ARIH1: variants seen among roughly 807,000 people sequenced by gnomAD.
ARIH1 encodes ariadne RBR E3 ubiquitin protein ligase 1.
A neutral mutation model predicts 85.0 loss-of-function variants in ARIH1; 8 were observed. The observed-to-expected ratio is 0.09, with a 90% confidence interval of 0.06 to 0.17. ARIH1 has a LOEUF of 0.17. Ranked by LOEUF, ARIH1 falls within the 10% of genes least tolerant of loss-of-function variation. The pLI, the probability that ARIH1 is intolerant of heterozygous loss-of-function variation, is 1.00. For missense variants in ARIH1, 311 were observed against 718.1 expected (o/e 0.43, Z 6.48); for synonymous variants, 238 against 253.6 (o/e 0.94, Z 0.59).
chr15:72,588,025 T>G lies in ARIH1; in HGVS notation c.*4733T>G, dbSNP rs1382352143. 1 of 152,198 alleles carries G rather than the reference T, an allele frequency of 6.6e-6. No individual in the cohort carries two copies. The highest frequency in any genetic ancestry group is 2.4e-5 in the African/African-American group (1 of 41,440). 9.4% of individuals were successfully genotyped at this position (152,198 alleles called of 1,614,324 possible). A position where few individuals can be genotyped will look rare whatever the true frequency, so the allele number is the denominator to read the frequency against. On this transcript the variant is annotated 3_prime_UTR_variant, in exon 14 of 14. Transcript: ENST00000379887. ...TTTCAGGGTAGGAGCCAGTTAAAGT[T>G]TGTATATCAGTCACACATTGATATG... is the stretch of plus-strand genomic sequence containing the variant.
intron 4 of ARIH1, 56 bp downstream of exon 4, chr15:72,555,419 C>G: frequency 7.8e-7 from 1 of 1,284,674 alleles, no homozygotes; most frequent in Non-Finnish European, 1.1e-6. Context: ...GTGTTAAGAC[C>G]CTTGCACAAA....
intron 1 of ARIH1, among the ~76,000 whole-genome samples, chr15:72,512,418 G>A (rs1386337948): frequency 2.0e-5 from 3 of 151,756 alleles, no homozygotes; most frequent in East Asian, 3.9e-4. Context: ...TGAATTTAAT[G>A]GGCAAAGAGT....
chr15:72,481,295 G>A (rs2063815742), intron 1 of ARIH1, among the ~76,000 whole-genome samples: 1 of 152,182 alleles, frequency 6.6e-6, no homozygotes, highest in Non-Finnish European at 1.5e-5. Context: ...GGTGATGCAA[G>A]CTAAAGTTTG....
chr15:72,584,532 A>G lies in ARIH1; in HGVS notation c.*1240A>G, dbSNP rs967476555. 3 of 152,176 alleles carry G rather than the reference A, an allele frequency of 2.0e-5. No homozygotes were observed. The highest frequency in any genetic ancestry group is 2.9e-5 in the Non-Finnish European group (2 of 68,040). 9.4% of individuals were successfully genotyped at this position (152,176 alleles called of 1,614,324 possible). ...TCAAAGAGAATGTTTTGCTTTAAAT[A>G]TAAATAGCCATTCATTTAGTCTCAG... On this transcript the variant is annotated 3_prime_UTR_variant, in exon 14 of 14. Transcript: ENST00000379887.
chr15:72,530,281 A>G (rs564472912), intron 2 of ARIH1, among the ~76,000 whole-genome samples: 8 of 152,238 alleles, frequency 5.3e-5, no homozygotes, highest in Non-Finnish European at 1.0e-4. Flanking sequence ...TTGGGAATCA[A>G]GGGAAATTTA....
chr15:72,532,622 G>A (rs1266861459), intron 2 of ARIH1, among the ~76,000 whole-genome samples: 2 of 152,032 alleles, frequency 1.3e-5, no homozygotes, highest in Non-Finnish European at 1.5e-5. Context: ...TTTGTCTTAT[G>A]TACATAGATA....
chr15:72,514,441 G>A (rs1024191851), intron 1 of ARIH1, among the ~76,000 whole-genome samples: 10 of 151,832 alleles, frequency 6.6e-5, no homozygotes, highest in East Asian at 1.9e-4. Context: ...ATTTCAGACC[G>A]GGCTCTGTAA....
chr15:72,554,892 T>A (rs543603569), intron 3 of ARIH1, among the ~76,000 whole-genome samples: 51 of 152,290 alleles, frequency 3.3e-4, no homozygotes, highest in African/African-American at 1.2e-3. Flanking sequence ...TAGCTGGGAC[T>A]ACAGGCGTGC....
chr15:72,522,371 A>T (rs1206583852), intron 2 of ARIH1, among the ~76,000 whole-genome samples: 1 of 152,134 alleles, frequency 6.6e-6, no homozygotes, highest in Non-Finnish European at 1.5e-5. Flanking sequence ...AAAGTTAGCC[A>T]GGCGTGGTGA....
At chr15:72,513,981 C>T (rs2063963476) in intron 1 of ARIH1, among the ~76,000 whole-genome samples, 2 of 149,834 alleles carry the variant, frequency 1.3e-5, no homozygotes, top group South Asian at 4.3e-4. Flanking sequence ...GCTACTGGGA[C>T]TAATACGCCA....
chr15:72,580,605 C>A, intron 11 of ARIH1, 126 bp from the exon 12 acceptor site: 2 of 888,554 alleles, frequency 2.3e-6, no homozygotes, highest in East Asian at 5.3e-5. Flanking sequence ...TATCTTTCAT[C>A]TTTTTGATAA....
At chr15:72,576,177 AG>A (rs1404627091) in intron 11 of ARIH1, among the ~76,000 whole-genome samples, 1 of 152,114 alleles carries the variant, frequency 6.6e-6, no homozygotes, top group African/African-American at 2.4e-5. Flanking sequence ...AGAGGAGGTA[AG>A]GATAAAGGAA....
At chr15:72,475,319 C>T (rs2063790328) in intron 1 of ARIH1, among the ~76,000 whole-genome samples, 1 of 152,228 alleles carries the variant, frequency 6.6e-6, no homozygotes, top group African/African-American at 2.4e-5. Context: ...GGTGTCCTTT[C>T]TCTGGCCGGG....
Position 72,561,502 on chromosome 15 carries a change from A to G in ARIH1, c.757A>G (p.Lys253Glu). ...NTVMRLITDS[K>E]VKLKYQHLIT... ...TTTCAGGCGCCTGATCACAGATTCAAAAGTTAAATTAAAGTATCAGCATTT... is the reference window on the plus strand; with the variant it reads ...TTTCAGGCGCCTGATCACAGATTCAGAAGTTAAATTAAAGTATCAGCATTT... Residue 253 changes from lysine to glutamate, a missense_variant, in exon 6 of 14, where the codon AAA (lysine) becomes GAA (glutamate). Transcript: ENST00000379887. 6.3e-7 allele frequency: 1 copy of G among 1,599,610 alleles called. No individual in the cohort carries two copies. Among genetic ancestry groups the G allele is most frequent in the Non-Finnish European group, 8.5e-7 (1 of 1,169,922 alleles).
chr15:72,538,485 G>T (rs1217115774), intron 2 of ARIH1, among the ~76,000 whole-genome samples: 1 of 152,100 alleles, frequency 6.6e-6, no homozygotes, highest in Non-Finnish European at 1.5e-5. Flanking sequence ...AATAGTTGTT[G>T]GTCTTTATGA....
intron 3 of ARIH1, among the ~76,000 whole-genome samples, chr15:72,545,313 T>C (rs368616820): frequency 3.9e-5 from 6 of 152,230 alleles, no homozygotes; most frequent in East Asian, 3.8e-4. Context: ...TTTAAGTGTT[T>C]TTTAAATATC....
intron 2 of ARIH1, among the ~76,000 whole-genome samples, chr15:72,537,652 G>C (rs1833153231): frequency 6.6e-6 from 1 of 152,010 alleles, no homozygotes. Context: ...TCCCTTAAAT[G>C]TACATTTTCT....
At chr15:72,523,361 A>G (rs951969909) in intron 2 of ARIH1, among the ~76,000 whole-genome samples, 5 of 152,254 alleles carry the variant, frequency 3.3e-5, no homozygotes, top group Non-Finnish European at 7.3e-5. Context: ...CTTTAAATGC[A>G]TATTATTAAA....
chr15:72,508,178 GT>G (rs1167457489), intron 1 of ARIH1, among the ~76,000 whole-genome samples: 7 of 152,220 alleles, frequency 4.6e-5, no homozygotes, highest in African/African-American at 1.7e-4. Context: ...CTGATTTAGA[GT>G]TATAACTAGA....
Sources: gnomAD v4.1 joint callset for allele counts (sites outside exome capture counted in the v4.1 genomes callset) on GRCh38, gnomAD v4.1.1 for gene constraint, MANE v1.5 for transcripts, NCBI Gene and HGNC (gene_info 2026-07-23, HGNC 2026-07-21) for gene names.